The following LMBR1 variants were observed in gnomAD, a reference collection of about 807,000 sequenced individuals.
LMBR1 encodes limb region 1 protein homolog.
In LMBR1, 52 loss-of-function variants were observed where a neutral mutation model predicts 73.9. The ratio of observed to expected loss-of-function variants is 0.70; its 90% confidence interval spans 0.56 to 0.89. The LOEUF (loss-of-function observed/expected upper bound fraction) is 0.89. LMBR1 is among the 40% of genes least tolerant of loss of function. The probability of loss-of-function intolerance (pLI) is 0.00; values close to 1 mark genes in which losing one functional copy is unlikely to be tolerated. For missense variants in LMBR1, 539 were observed against 579.8 expected (o/e 0.93, Z 0.72); for synonymous variants, 215 against 209.4 (o/e 1.03, Z -0.23).
intron 1 of LMBR1, among the ~76,000 whole-genome samples, chr7:156,853,746 C>T (rs1212440162): frequency 6.6e-6 from 1 of 152,156 alleles, no homozygotes; most frequent in African/African-American, 2.4e-5. Flanking sequence ...ACCTCCACTT[C>T]CTGGGTTCAA....
chr7:156,694,016 A>T (rs1206113568), intron 15 of LMBR1, among the ~76,000 whole-genome samples: 1 of 152,254 alleles, frequency 6.6e-6, no homozygotes, highest in Non-Finnish European at 1.5e-5. Context: ...AATCAATGTG[A>T]TATACCACAC....
At chr7:156,754,635 T>C (rs1821519294) in intron 9 of LMBR1, among the ~76,000 whole-genome samples, 1 of 152,208 alleles carries the variant, frequency 6.6e-6, no homozygotes, top group South Asian at 2.1e-4. Context: ...ACTCTTTACT[T>C]TTGTTTTATA....
intron 1 of LMBR1, among the ~76,000 whole-genome samples, chr7:156,870,724 C>G (rs1472730133): frequency 6.7e-6 from 1 of 149,350 alleles, no homozygotes. Flanking sequence ...GAGATCGCGG[C>G]ACAACCTGGG....
intron 3 of LMBR1, among the ~76,000 whole-genome samples, chr7:156,827,909 C>T (rs534872135): frequency 6.6e-6 from 1 of 152,244 alleles, no homozygotes; most frequent in South Asian, 2.1e-4. Flanking sequence ...AAAAATACAA[C>T]TGATATCAGA....
intron 1 of LMBR1, among the ~76,000 whole-genome samples, chr7:156,852,728 G>A (rs751401276): frequency 4.6e-5 from 7 of 152,290 alleles, no homozygotes; most frequent in African/African-American, 1.2e-4. Flanking sequence ...CAGGTGAATC[G>A]TGCTACTAGC....
rs1219112948 is a variant in LMBR1 at position 156,824,066 on chromosome 7, G to C, written c.319+2539C>G. 3 of 151,854 alleles carry C rather than the reference G, an allele frequency of 2.0e-5. No individual in the cohort carries two copies. In the East Asian group the frequency reaches 5.8e-4, roughly 30 times the overall value. 9.4% of individuals were successfully genotyped at this position (151,854 alleles called of 1,614,324 possible). A position where few individuals can be genotyped will look rare whatever the true frequency, so the allele number is the denominator to read the frequency against. ...GATCGCACCACTGCACCCCAGCCTG[G>C]GTGACAGAGAGAGACTCCATCTCAA... On this transcript the variant is annotated intron_variant, in intron 4 of 16. Coordinates refer to ENST00000353442, the MANE Select transcript of LMBR1 (RefSeq NM_022458.4).
intron 4 of LMBR1, chr7:156,822,187 C>CA (rs373453945): frequency 6.6e-6 from 1 of 152,150 alleles, no homozygotes; most frequent in African/African-American, 2.4e-5. Context: ...TAGGAATAGA[C>CA]AGACAAACCA....
At chr7:156,740,809 C>T (rs1462073942) in intron 9 of LMBR1, among the ~76,000 whole-genome samples, 1 of 152,126 alleles carries the variant, frequency 6.6e-6, no homozygotes, top group Non-Finnish European at 1.5e-5. Flanking sequence ...CCTGAAGATA[C>T]ACAAACTCAC....
At position 156,682,470 on chromosome 7, in the gene LMBR1, G is replaced by A. The variant is rs749633714; in HGVS notation, c.*1608C>T. 12 of 152,096 alleles carry A rather than the reference G, an allele frequency of 7.9e-5. No individual in the cohort carries two copies. Among genetic ancestry groups the A allele is most frequent in the African/African-American group, 1.2e-4 (5 of 41,414 alleles). The allele number at this position is 152,096 out of a possible 1,614,324, so 9.4% of individuals were successfully genotyped here. A position where few individuals can be genotyped will look rare whatever the true frequency, so the allele number is the denominator to read the frequency against. On this transcript the variant is annotated 3_prime_UTR_variant, in exon 17 of 17. Coordinates refer to ENST00000353442, the MANE Select transcript of LMBR1 (RefSeq NM_022458.4). ...ATTTTATTAACTTTTTAGGTATGTC[G>A]ATTTTATGCTGAGAAATTCACCAGT...
At chr7:156,844,832 G>A (rs1453262165) in intron 1 of LMBR1, among the ~76,000 whole-genome samples, 10 of 152,172 alleles carry the variant, frequency 6.6e-5, no homozygotes, top group African/African-American at 2.4e-4. Context: ...TCCTGATGCT[G>A]CTGATCAAGA....
chr7:156,708,546 T>C (rs191345655), intron 15 of LMBR1, among the ~76,000 whole-genome samples: 166 of 152,142 alleles, frequency 1.1e-3, no homozygotes, highest in Non-Finnish European at 1.6e-3. Flanking sequence ...CAGGGGACCT[T>C]GGGGAAGGCA....
In LMBR1 at chr7:156,681,292, T is replaced by C; in HGVS notation, c.*2786A>G. The C allele has an allele frequency of 2.6e-6, 1 of 391,006 alleles. No homozygotes were observed. The highest frequency in any genetic ancestry group is 1.9e-5 in the South Asian group (1 of 53,628). 24.2% of individuals were successfully genotyped at this position (391,006 alleles called of 1,614,324 possible). ...CAGGTACACGTGCGCCTTTAACACA[T>C]CTGAGAGCAAAACGCGAGAGGCTCC... On this transcript the variant is annotated 3_prime_UTR_variant, in exon 17 of 17. Transcript: ENST00000353442.
chr7:156,849,368 G>A (rs1377622484), intron 1 of LMBR1, among the ~76,000 whole-genome samples: 5 of 152,060 alleles, frequency 3.3e-5, no homozygotes, highest in African/African-American at 9.7e-5. Context: ...AGGATGGGAG[G>A]GAGAGGATGG....
rs543519559 is a variant in LMBR1 at position 156,889,970 on chromosome 7, C to T, written c.66+2958G>A. ...AGTGAGCCATGATTGCGCCACTGCA[C>T]GACAGCCTGGTCAACAGAGGGAGAA... On this transcript the variant is annotated intron_variant, in intron 1 of 16. Coordinates refer to ENST00000353442, the MANE Select transcript of LMBR1 (RefSeq NM_022458.4). 3.4e-4 allele frequency among the ~76,000 whole-genome samples: 52 copies of T among 151,880 alleles called. 1 individual carries two copies. The South Asian group carries it at 7.7e-3, about 23-fold the overall frequency.
intron 9 of LMBR1, among the ~76,000 whole-genome samples, chr7:156,747,214 G>A (rs1820004240): frequency 1.3e-5 from 2 of 152,032 alleles, no homozygotes; most frequent in Non-Finnish European, 2.9e-5. Context: ...TTCTTACATA[G>A]GTAAGAATAA....
intron 9 of LMBR1, among the ~76,000 whole-genome samples, chr7:156,737,795 C>T (rs1818159792): frequency 1.3e-5 from 2 of 152,088 alleles, no homozygotes; most frequent in African/African-American, 2.4e-5. Flanking sequence ...AGACATTCTT[C>T]TCCCATGCAT....
chr7:156,883,276 G>C (rs563504927), intron 1 of LMBR1, among the ~76,000 whole-genome samples: 2 of 151,348 alleles, frequency 1.3e-5, no homozygotes, highest in East Asian at 3.9e-4. Context: ...GTGCACACCT[G>C]TAATCCCAGC....
chr7:156,675,600 G>A (rs939427808), downstream of LMBR1: 67 of 964,390 alleles, frequency 6.9e-5, no homozygotes, highest in Middle Eastern at 1.5e-3. Flanking sequence ...CAGAGACGAG[G>A]AAGGTTACCA....
intron 1 of LMBR1, among the ~76,000 whole-genome samples, chr7:156,885,153 G>T (rs1365688441): frequency 6.6e-6 from 1 of 152,102 alleles, no homozygotes; most frequent in African/African-American, 2.4e-5. Context: ...AGGAGTTCAA[G>T]ACCAGCTTGG....
Sources: gnomAD v4.1 joint callset for allele counts (sites outside exome capture counted in the v4.1 genomes callset) on GRCh38, gnomAD v4.1.1 for gene constraint, MANE v1.5 for transcripts, NCBI Gene and HGNC (gene_info 2026-07-23, HGNC 2026-07-21) for gene names.